The following FNTA variants were observed in gnomAD, a reference collection of about 807,000 sequenced individuals.
FNTA encodes farnesyltransferase, CAAX box, subunit alpha.
Under a neutral mutation model 55.2 loss-of-function variants are expected in FNTA, and 27 were observed. The observed-to-expected ratio is 0.49, with a 90% confidence interval of 0.36 to 0.67. The LOEUF (loss-of-function observed/expected upper bound fraction) is 0.67. Among genes scored for constraint, FNTA ranks in the 30% least tolerant of loss-of-function variants. The pLI is 0.00. For missense variants in FNTA, 422 were observed against 464.7 expected (o/e 0.91, Z 0.85); for synonymous variants, 176 against 170.7 (o/e 1.03, Z -0.24).
chr8:43,079,726 A>G (rs1353818729), intron 6 of FNTA: 2 of 152,242 alleles, frequency 1.3e-5, no homozygotes, highest in Admixed American at 6.5e-5. Flanking sequence ...GCTACCATAG[A>G]TAGTGATTCC....
At chr8:43,078,418 C>CT (rs1465680141) in intron 6 of FNTA, 3 of 152,008 alleles carry the variant, frequency 2.0e-5, no homozygotes, top group Non-Finnish European at 4.4e-5. Flanking sequence ...CATTGCCATT[C>CT]TTTCTAACAG....
At chr8:43,068,475 G>A (rs1007418692) in intron 3 of FNTA, among the ~76,000 whole-genome samples, 3 of 152,146 alleles carry the variant, frequency 2.0e-5, no homozygotes, top group Non-Finnish European at 2.9e-5. Context: ...TTTACAAGTA[G>A]CATTTTTGTG....
chr8:43,081,047 C>T (rs538929112), intron 6 of FNTA: 1 of 151,928 alleles, frequency 6.6e-6, no homozygotes, highest in Non-Finnish European at 1.5e-5. Flanking sequence ...CTAGAATTTA[C>T]AGTTTGTTAA....
intron 2 of FNTA, among the ~76,000 whole-genome samples, chr8:43,062,709 C>G (rs1810563373): frequency 6.6e-6 from 1 of 152,196 alleles, no homozygotes. Flanking sequence ...AAAACTGTTT[C>G]TCTATAGTCA....
chr8:43,067,973 C>T (rs891992811), intron 3 of FNTA, among the ~76,000 whole-genome samples: 1 of 152,176 alleles, frequency 6.6e-6, no homozygotes, highest in Admixed American at 6.5e-5. Flanking sequence ...AATCATGGCT[C>T]ATTACAACTT....
intron 8 of FNTA, 124 bp from the exon 9 acceptor site, chr8:43,085,036 A>T (rs180844416): frequency 2.7e-6 from 3 of 1,121,916 alleles, no homozygotes; most frequent in African/African-American, 3.1e-5. Flanking sequence ...TTGGCAACAC[A>T]GCCGGTGACT....
intron 6 of FNTA, chr8:43,080,888 T>G (rs1811013238): frequency 6.6e-6 from 1 of 152,218 alleles, no homozygotes; most frequent in Non-Finnish European, 1.5e-5. Context: ...CGTTTAGCCT[T>G]TTCAGAGGCA....
chr8:43,076,635 T>C (rs1275339952), intron 5 of FNTA: 2 of 152,226 alleles, frequency 1.3e-5, no homozygotes, highest in African/African-American at 2.4e-5. Context: ...CCCAGCACTT[T>C]AGGAGCCCGA....
At chr8:43,078,841 T>C (rs1367512403) in intron 6 of FNTA, 5 of 152,228 alleles carry the variant, frequency 3.3e-5, no homozygotes, top group Non-Finnish European at 5.9e-5. Context: ...ACCAAACTCA[T>C]AAGAAAGAGT....
At chr8:43,068,109 C>T (rs995077069) in intron 3 of FNTA, among the ~76,000 whole-genome samples, 6 of 152,120 alleles carry the variant, frequency 3.9e-5, no homozygotes, top group Admixed American at 6.5e-5. Flanking sequence ...ACCATGTTAG[C>T]CAGGTCTCAA....
intron 6 of FNTA, chr8:43,077,639 A>G (rs887217349): frequency 2.6e-4 from 62 of 237,410 alleles, no homozygotes; most frequent in Non-Finnish European, 3.0e-4. Flanking sequence ...AAACCATCTC[A>G]TTAAATTTTG....
At chr8:43,066,113 C>A (rs1200756157) in intron 3 of FNTA, among the ~76,000 whole-genome samples, 1 of 150,878 alleles carries the variant, frequency 6.6e-6, no homozygotes, top group Non-Finnish European at 1.5e-5. Context: ...GTTGTATCTC[C>A]TCAATTTTTC....
chr8:43,081,029 G>A (rs954537222), intron 6 of FNTA: 1 of 152,146 alleles, frequency 6.6e-6, no homozygotes, highest in Non-Finnish European at 1.5e-5. Flanking sequence ...AAGAGTAGCT[G>A]TAGGTATCTA....
At chr8:43,058,915 T>C (rs941638292) in intron 1 of FNTA, 177 bp from the exon 2 acceptor site, 1 of 439,268 alleles carries the variant, frequency 2.3e-6, no homozygotes, top group Non-Finnish European at 4.0e-6. Context: ...TTTAATAGTT[T>C]AATGTGTAAA....
At chr8:43,083,848 G>A (rs1048643210) in intron 7 of FNTA, among the ~76,000 whole-genome samples, 1 of 152,144 alleles carries the variant, frequency 6.6e-6, no homozygotes, top group African/African-American at 2.4e-5. Flanking sequence ...CAAGATGGGC[G>A]GATTACTTGA....
intron 3 of FNTA, among the ~76,000 whole-genome samples, chr8:43,065,081 A>T (rs189526145): frequency 1.3e-5 from 2 of 151,080 alleles, no homozygotes; most frequent in East Asian, 2.0e-4. Context: ...TGATCCGCCC[A>T]CCTCAGCCTT....
intron 3 of FNTA, 48 bp from the exon 4 acceptor site, chr8:43,069,507 G>T: frequency 8.7e-7 from 1 of 1,149,042 alleles, no homozygotes; most frequent in Non-Finnish European, 1.3e-6. Context: ...TGTTATTAGG[G>T]AACTTCTGTG....
At chr8:43,067,506 G>T (rs1223590185) in intron 3 of FNTA, among the ~76,000 whole-genome samples, 1 of 152,100 alleles carries the variant, frequency 6.6e-6, no homozygotes, top group Non-Finnish European at 1.5e-5. Flanking sequence ...GGAATTCTCA[G>T]TGTGTTTCAT....
At chr8:43,061,716 T>C (rs1427666307) in intron 2 of FNTA, among the ~76,000 whole-genome samples, 1 of 151,834 alleles carries the variant, frequency 6.6e-6, no homozygotes, top group East Asian at 1.9e-4. Flanking sequence ...GACAATATGT[T>C]GTTTATAATT....
Sources: allele counts gnomAD v4.1 joint callset (sites outside exome capture counted in the v4.1 genomes callset), GRCh38; gene constraint gnomAD v4.1.1; transcripts MANE v1.5; gene names NCBI Gene and HGNC (gene_info 2026-07-23, HGNC 2026-07-21).